Variants in MALRD1 observed in about 807,000 individuals in gnomAD.
The protein encoded by MALRD1 is MAM and LDL receptor class A domain containing 1, also known as MAM and LDL-receptor class A domain-containing protein 1.
A neutral mutation model predicts 242.1 loss-of-function variants in MALRD1; 247 were observed. The ratio of observed to expected loss-of-function variants is 1.02; its 90% CI spans 0.92 to 1.13. The LOEUF is 1.13. MALRD1 is among the 50% of genes most tolerant of loss of function. The pLI is 0.00. For missense variants in MALRD1, 2,989 were observed against 2,533.1 expected (o/e 1.18, Z -3.86); for synonymous variants, 995 against 866.6 (o/e 1.15, Z -2.60).
chr10:19,629,816 C>G (rs1359377295), intron 36 of MALRD1, among the ~76,000 whole-genome samples: 1 of 152,150 alleles, frequency 6.6e-6, no homozygotes, highest in African/African-American at 2.4e-5. Context: ...GGCTGGCCAT[C>G]CAGCTCTGCT....
At chr10:19,646,286 A>G (rs745934802) in intron 36 of MALRD1, among the ~76,000 whole-genome samples, 2 of 152,206 alleles carry the variant, frequency 1.3e-5, no homozygotes, top group Non-Finnish European at 2.9e-5. Flanking sequence ...TGGTTAACCA[A>G]TGACCAAAAT....
At chr10:19,497,402 A>G (rs944677861) in intron 30 of MALRD1, among the ~76,000 whole-genome samples, 1 of 151,948 alleles carries the variant, frequency 6.6e-6, no homozygotes, top group African/African-American at 2.4e-5. Flanking sequence ...ATATAGAATG[A>G]ACGAAAGGAA....
intron 34 of MALRD1, among the ~76,000 whole-genome samples, chr10:19,604,950 A>T (rs1440921916): frequency 6.6e-6 from 1 of 152,128 alleles, no homozygotes; most frequent in African/African-American, 2.4e-5. Context: ...CATTTTTAAT[A>T]AACATTATCT....
chr10:19,304,839 A>G (rs548226347), intron 21 of MALRD1, among the ~76,000 whole-genome samples: 1 of 151,944 alleles, frequency 6.6e-6, no homozygotes, highest in Non-Finnish European at 1.5e-5. Flanking sequence ...GTGAGAAACT[A>G]CAAATCACAA....
chr10:19,689,121 C>T (rs1242054641), intron 36 of MALRD1, among the ~76,000 whole-genome samples: 1 of 152,306 alleles, frequency 6.6e-6, no homozygotes, highest in East Asian at 1.9e-4. Context: ...GTACAGACAT[C>T]TGACCTTAAG....
intron 28 of MALRD1, among the ~76,000 whole-genome samples, chr10:19,440,793 G>A (rs4604757): frequency 0.18 from 26,601 of 151,982 alleles, 2,784 homozygotes; most frequent in African/African-American, 0.3. Context: ...GAATAGTGCC[G>A]CAATAAACAT....
intron 28 of MALRD1, among the ~76,000 whole-genome samples, chr10:19,396,387 C>A (rs764859429): frequency 6.6e-6 from 1 of 151,992 alleles, no homozygotes; most frequent in Non-Finnish European, 1.5e-5. Flanking sequence ...TCTCCTGTCT[C>A]GGCCTTCCAA....
chr10:19,143,002 A>G (rs1011590545), intron 10 of MALRD1, among the ~76,000 whole-genome samples: 2 of 152,218 alleles, frequency 1.3e-5, no homozygotes, highest in Non-Finnish European at 2.9e-5. Context: ...CAGCCAATCA[A>G]TTCACCAAGG....
intron 28 of MALRD1, among the ~76,000 whole-genome samples, chr10:19,398,952 TAG>T (rs1260825586): frequency 1.3e-5 from 2 of 152,326 alleles, no homozygotes; most frequent in South Asian, 2.1e-4. Flanking sequence ...TGCAGCCAGG[TAG>T]AGTCAGCAAC....
chr10:19,388,249 T>C (rs891420607), intron 27 of MALRD1, among the ~76,000 whole-genome samples: 1 of 152,164 alleles, frequency 6.6e-6, no homozygotes, highest in Non-Finnish European at 1.5e-5. Flanking sequence ...AACCTGATCA[T>C]CAGCAAAAAC....
chr10:19,498,616 G>A lies in MALRD1; in HGVS notation c.5290G>A (p.Ala1764Thr), dbSNP rs1025249987. The change falls in exon 31 of 40, where the codon GCA (alanine) becomes ACA (threonine). Residue 1764 changes from alanine to threonine, a missense_variant. By Grantham distance (58) the Ala-to-Thr change is moderately conservative (BLOSUM62 0). Transcript: ENST00000454679. ...WAIGSRIPAK[A>T]LIPDSDHTPG... ...CATTGGCAGCAGAATTCCTGCCAAAGCATTAATTCCAGACTCTGATCACAC... is the reference window on the plus strand; with the variant it reads ...CATTGGCAGCAGAATTCCTGCCAAAACATTAATTCCAGACTCTGATCACAC... 9.0e-6 allele frequency: 14 copies of A among 1,550,050 alleles called. No homozygotes were observed. The highest frequency in any genetic ancestry group is 1.2e-5 in the Non-Finnish European group (14 of 1,146,814).
chr10:19,613,793 C>T (rs1019730812), intron 35 of MALRD1, among the ~76,000 whole-genome samples: 5 of 152,088 alleles, frequency 3.3e-5, no homozygotes, highest in African/African-American at 1.2e-4. Flanking sequence ...GCAATTCAAC[C>T]AGTCTGGGCT....
chr10:19,689,627 GA>G (rs1842739674), intron 36 of MALRD1, among the ~76,000 whole-genome samples: 1 of 152,014 alleles, frequency 6.6e-6, no homozygotes, highest in Non-Finnish European at 1.5e-5. Context: ...GATGAATATT[GA>G]AAAAATTATC....
At chr10:19,539,609 A>T (rs1456928405) in intron 32 of MALRD1, among the ~76,000 whole-genome samples, 1 of 151,876 alleles carries the variant, frequency 6.6e-6, no homozygotes, top group African/African-American at 2.4e-5. Flanking sequence ...GATATGGGGG[A>T]TGCTATAAGT....
intron 21 of MALRD1, among the ~76,000 whole-genome samples, chr10:19,309,198 A>G (rs940424965): frequency 1.3e-5 from 2 of 151,590 alleles, no homozygotes; most frequent in Non-Finnish European, 3.0e-5. Context: ...TTCATGGAGC[A>G]TAATTTTTTT....
At chr10:19,657,754 C>G (rs61844365) in intron 36 of MALRD1, among the ~76,000 whole-genome samples, 1 of 151,954 alleles carries the variant, frequency 6.6e-6, no homozygotes, top group African/African-American at 2.4e-5. Context: ...TGACTATAGC[C>G]TCACAGGGTT....
At chr10:19,053,560 A>G (rs1834572191) in intron 1 of MALRD1, among the ~76,000 whole-genome samples, 1 of 152,182 alleles carries the variant, frequency 6.6e-6, no homozygotes, top group Non-Finnish European at 1.5e-5. Flanking sequence ...GTGGGTGTAT[A>G]CAGAATTAAA....
intron 28 of MALRD1, among the ~76,000 whole-genome samples, chr10:19,446,548 G>T (rs1427038888): frequency 1.3e-5 from 2 of 152,164 alleles, no homozygotes; most frequent in African/African-American, 4.8e-5. Flanking sequence ...ACAATTTGAA[G>T]TGGTTCTGTC....
intron 36 of MALRD1, among the ~76,000 whole-genome samples, chr10:19,678,448 A>C (rs542796539): frequency 6.6e-6 from 1 of 152,092 alleles, no homozygotes; most frequent in African/African-American, 2.4e-5. Context: ...ATGGGAGTCC[A>C]TTCATGATTT....
Sources: gnomAD v4.1 joint callset for allele counts (sites outside exome capture counted in the v4.1 genomes callset) on GRCh38, gnomAD v4.1.1 for gene constraint, MANE v1.5 for transcripts, NCBI Gene and HGNC (gene_info 2026-07-23, HGNC 2026-07-21) for gene names.